Variants in KCNAB1 observed in about 807,000 individuals in gnomAD.
KCNAB1 encodes potassium voltage-gated channel subfamily A regulatory beta subunit 1, also known as voltage-gated potassium channel subunit beta-1.
In KCNAB1, 35 loss-of-function variants were observed where a neutral mutation model predicts 64.6. That is an observed-to-expected ratio of 0.54 (90% confidence interval 0.41 to 0.72). The LOEUF (loss-of-function observed/expected upper bound fraction) is 0.72. Among genes scored for constraint, KCNAB1 ranks in the 30% least tolerant of loss-of-function variants. The probability of loss-of-function intolerance (pLI) is 0.00; values close to 1 mark genes in which losing one functional copy is unlikely to be tolerated. For missense variants in KCNAB1, 401 were observed against 512.9 expected (o/e 0.78, Z 2.11); for synonymous variants, 177 against 183.8 (o/e 0.96, Z 0.30).
At position 156,457,550 on chromosome 3, in the gene KCNAB1, T is replaced by G; in HGVS notation, c.437+18T>G. 6.2e-7 allele frequency: 1 copy of G among 1,605,174 alleles called. No homozygotes were observed. On this transcript the variant is annotated intron_variant, in intron 4 of 13. Transcript: ENST00000490337. ...GCTGGAAAGTAAGTCAGTACCTGTT[T>G]GTGTCACTCAAATGGCATCTGTAGC... is the stretch of plus-strand genomic sequence containing the variant.
chr3:156,272,349 G>A (rs958838581), intron 1 of KCNAB1, among the ~76,000 whole-genome samples: 5 of 152,196 alleles, frequency 3.3e-5, no homozygotes, highest in African/African-American at 1.2e-4. Flanking sequence ...AGGAGTCAGG[G>A]CCTGGAGTCA....
At chr3:156,134,617 A>C (rs777536254) in intron 1 of KCNAB1, among the ~76,000 whole-genome samples, 6 of 152,238 alleles carry the variant, frequency 3.9e-5, no homozygotes, top group African/African-American at 1.4e-4. Context: ...TAACATTTGA[A>C]TCTGTTTGGG....
At chr3:156,118,482 G>A (rs1560094784), upstream of KCNAB1, 1 of 262,364 alleles carries the variant, frequency 3.8e-6, no homozygotes, top group Non-Finnish European at 7.8e-6. Flanking sequence ...CCAGATTCAA[G>A]GGGCTGAGAA....
intron 1 of KCNAB1, among the ~76,000 whole-genome samples, chr3:156,242,553 T>A (rs1717221077): frequency 6.6e-6 from 1 of 152,146 alleles, no homozygotes; most frequent in Non-Finnish European, 1.5e-5. Flanking sequence ...TTTTTTTTTC[T>A]GAAAAATTTC....
chr3:156,177,367 T>TTTTATTTC (rs920245963), intron 1 of KCNAB1, among the ~76,000 whole-genome samples: 1 of 152,108 alleles, frequency 6.6e-6, no homozygotes, highest in African/African-American at 2.4e-5. Flanking sequence ...TTTATGGTAT[T>TTTTATTTC]TTTATTTCTT....
chr3:156,142,414 C>T lies in KCNAB1; in HGVS notation c.275+21528C>T, dbSNP rs530190277. Among the ~76,000 whole-genome samples, 6 of 152,184 alleles carry T rather than the reference C, an allele frequency of 3.9e-5. No homozygotes were observed. The East Asian group carries it at 5.8e-4, about 15-fold the overall frequency. On this transcript the variant is annotated intron_variant, in intron 1 of 13. Coordinates refer to ENST00000490337, the MANE Select transcript of KCNAB1 (RefSeq NM_172160.3). The stretch of plus-strand genomic sequence containing the variant: ...ACATTTAAATCCATGATCAATTTTG[C>T]GTTGATTTTTGTATAAAGATGAGGT...
Position 156,332,509 on chromosome 3 carries a change from T to G in KCNAB1, c.276-89107T>G, listed in dbSNP as rs562292656. ...TCCCTGCCTAGTGTAGTGGGTTAGT[T>G]TCAACCAGTATTTGCCAATGTTCAC... On this transcript the variant is annotated intron_variant, in intron 1 of 13. Transcript: ENST00000490337. 7.2e-5 allele frequency among the ~76,000 whole-genome samples: 11 copies of G among 152,266 alleles called. No homozygotes were observed. The East Asian group carries it at 2.1e-3, about 29-fold the overall frequency.
intron 1 of KCNAB1, among the ~76,000 whole-genome samples, chr3:156,223,289 A>C (rs556349683): frequency 1.3e-5 from 2 of 152,322 alleles, no homozygotes; most frequent in South Asian, 4.1e-4. Flanking sequence ...AAGCTTCCAC[A>C]GTGTGGAAGG....
At chr3:156,203,400 G>A (rs1309309613) in intron 1 of KCNAB1, among the ~76,000 whole-genome samples, 1 of 152,214 alleles carries the variant, frequency 6.6e-6, no homozygotes, top group Non-Finnish European at 1.5e-5. Context: ...GGGCTCTAGA[G>A]TAAGATAGCA....
chr3:156,467,288 A>G (rs1021448854), intron 7 of KCNAB1, among the ~76,000 whole-genome samples: 2 of 152,172 alleles, frequency 1.3e-5, no homozygotes, highest in Non-Finnish European at 1.5e-5. Flanking sequence ...TTGAAAAACC[A>G]TAAGTCAAAC....
intron 8 of KCNAB1, among the ~76,000 whole-genome samples, chr3:156,494,102 A>G (rs1049812468): frequency 6.6e-5 from 10 of 152,202 alleles, no homozygotes; most frequent in Non-Finnish European, 1.5e-4. Context: ...TGAAACCAGC[A>G]CTGTTGTGCT....
intron 1 of KCNAB1, among the ~76,000 whole-genome samples, chr3:156,214,242 G>T (rs570512389): frequency 6.6e-6 from 1 of 152,310 alleles, no homozygotes; most frequent in African/African-American, 2.4e-5. Context: ...GGAGGGGGTT[G>T]TGGGAACCCC....
At chr3:156,195,505 G>T (rs555524538) in intron 1 of KCNAB1, among the ~76,000 whole-genome samples, 1 of 152,292 alleles carries the variant, frequency 6.6e-6, no homozygotes, top group South Asian at 2.1e-4. Context: ...GTATCTCATT[G>T]TGGTTTTGAT....
At chr3:156,446,279 A>G (rs1362250005) in intron 2 of KCNAB1, among the ~76,000 whole-genome samples, 3 of 152,206 alleles carry the variant, frequency 2.0e-5, no homozygotes, top group African/African-American at 7.2e-5. Flanking sequence ...TTTTGGGCTT[A>G]CACCTATTTC....
At chr3:156,171,400 C>T (rs532334028) in intron 1 of KCNAB1, among the ~76,000 whole-genome samples, 302 of 152,280 alleles carry the variant, frequency 2.0e-3, no homozygotes, top group Non-Finnish European at 3.3e-3. Context: ...AATTTCTCCC[C>T]AGTGGTCCTT....
intron 1 of KCNAB1, among the ~76,000 whole-genome samples, chr3:156,293,135 G>A (rs1193575499): frequency 2.0e-5 from 3 of 152,130 alleles, no homozygotes; most frequent in Non-Finnish European, 4.4e-5. Flanking sequence ...ACTTACATTT[G>A]ACAAGTAGAA....
chr3:156,333,319 A>AACACACACACAC (rs10641743), intron 1 of KCNAB1, among the ~76,000 whole-genome samples: 119 of 143,390 alleles, frequency 8.3e-4, no homozygotes, highest in South Asian at 2.7e-3. Context: ...CGCACATAGA[A>AACACACACACAC]ACACACACAC....
At chr3:156,423,701 G>GT (rs545760479) in intron 2 of KCNAB1, among the ~76,000 whole-genome samples, 140 of 152,178 alleles carry the variant, frequency 9.2e-4, no homozygotes, top group African/African-American at 3.1e-3. Context: ...GTGGGTTTTT[G>GT]TTTTTTTACA....
At chr3:156,319,029 A>T (rs1425234393) in intron 1 of KCNAB1, among the ~76,000 whole-genome samples, 2 of 152,230 alleles carry the variant, frequency 1.3e-5, no homozygotes, top group African/African-American at 4.8e-5. Flanking sequence ...TAAATACAAA[A>T]ACAAAAGCAA....
Sources: gnomAD v4.1 joint callset for allele counts (sites outside exome capture counted in the v4.1 genomes callset) on GRCh38, gnomAD v4.1.1 for gene constraint, MANE v1.5 for transcripts, NCBI Gene and HGNC (gene_info 2026-07-23, HGNC 2026-07-21) for gene names.